PRIMA1: variants seen among roughly 807,000 people sequenced by gnomAD.
PRIMA1 encodes the protein proline rich membrane anchor 1.
In PRIMA1, 7 loss-of-function variants were observed where a neutral mutation model predicts 17.5. That is an observed-to-expected ratio of 0.40 (90% confidence interval 0.23 to 0.75). The LOEUF is 0.75. PRIMA1 is among the 30% of genes least tolerant of loss of function. PRIMA1 has a pLI of 0.37. For missense variants in PRIMA1, 200 were observed against 201.8 expected (o/e 0.99, Z 0.05); for synonymous variants, 97 against 77.9 (o/e 1.25, Z -1.29).
intron 3 of PRIMA1, among the ~76,000 whole-genome samples, chr14:93,747,987 A>C (rs1288318309): frequency 1.5e-5 from 2 of 135,824 alleles, no homozygotes; most frequent in African/African-American, 5.7e-5. Flanking sequence ...ATGAGTTGGG[A>C]CTGAGTGGGA....
At chr14:93,759,969 A>AGCACAGATGCCACAGCCAGG (rs2076316940) in intron 3 of PRIMA1, among the ~76,000 whole-genome samples, 1 of 152,256 alleles carries the variant, frequency 6.6e-6, no homozygotes, top group Non-Finnish European at 1.5e-5. Flanking sequence ...GCCGAAGGGC[A>AGCACAGATGCCACAGCCAGG]GCACAGATGC....
chr14:93,735,503 G>C (rs2076143929), intron 4 of PRIMA1, among the ~76,000 whole-genome samples: 1 of 152,122 alleles, frequency 6.6e-6, no homozygotes, highest in East Asian at 1.9e-4. Flanking sequence ...TGACTCCTCC[G>C]GGCAGCCACA....
At position 93,721,539 on chromosome 14, in the gene PRIMA1, G is replaced by T. The variant is rs149855008; in HGVS notation, c.367C>A (p.Leu123Met). The change falls in exon 5 of 5, where the codon CTG becomes ATG. Residue 123 changes from leucine (L) to methionine (M), a missense_variant. Transcript: ENST00000393140. ...CTGGTGCCATTTTCGTCTTTTCTCA[G>T]TGGTTTCCTGGAAGTGGGGGGAGGG... ...ICYKAIKRKP[L>M]RKDENGTSVA... is the part of the protein sequence containing the mutation. 2.4e-5 allele frequency: 38 copies of T among 1,612,148 alleles called. No individual in the cohort carries two copies. Among genetic ancestry groups the T allele is most frequent in the Non-Finnish European group, 2.9e-5 (34 of 1,178,658 alleles).
At position 93,742,394 on chromosome 14, in the gene PRIMA1, A is replaced by T. The variant is rs529106353; in HGVS notation, c.230-5024T>A. ...GGTCTCTCCCCAGGGGAACTCTGAG[A>T]AGAGTAGAAGCAGCCAGTGGTGAGC... On this transcript the variant is annotated intron_variant, in intron 3 of 4. Transcript: ENST00000393140. 3.3e-5 allele frequency among the ~76,000 whole-genome samples: 5 copies of T among 152,352 alleles called. No homozygotes were observed. In the East Asian group the frequency reaches 9.7e-4, roughly 29 times the overall value.
chr14:93,766,867 G>T (rs1205208760), intron 3 of PRIMA1, among the ~76,000 whole-genome samples: 2 of 152,156 alleles, frequency 1.3e-5, no homozygotes, highest in African/African-American at 4.8e-5. Flanking sequence ...AAGAAATGAA[G>T]AAGGAAAATA....
intron 2 of PRIMA1, among the ~76,000 whole-genome samples, chr14:93,783,418 T>C (rs1248556849): frequency 1.3e-5 from 2 of 152,216 alleles, no homozygotes; most frequent in Non-Finnish European, 2.9e-5. Flanking sequence ...CATTCCCCAG[T>C]GCTGGTTCCA....
At chr14:93,765,529 T>C (rs1884870077) in intron 3 of PRIMA1, among the ~76,000 whole-genome samples, 4 of 151,300 alleles carry the variant, frequency 2.6e-5, no homozygotes, top group Non-Finnish European at 5.9e-5. Context: ...GAACATATTA[T>C]TCCTTTTGAC....
chr14:93,734,461 C>T (rs902070938), intron 4 of PRIMA1, among the ~76,000 whole-genome samples: 1 of 152,180 alleles, frequency 6.6e-6, no homozygotes, highest in African/African-American at 2.4e-5. Flanking sequence ...GGCCCTTCTC[C>T]TAAGTGCGAG....
At chr14:93,738,694 T>G (rs1383009160) in intron 3 of PRIMA1, among the ~76,000 whole-genome samples, 3 of 152,182 alleles carry the variant, frequency 2.0e-5, no homozygotes, top group Admixed American at 6.5e-5. Flanking sequence ...TCTAGTGAAA[T>G]GCACCCCCCA....
intron 3 of PRIMA1, among the ~76,000 whole-genome samples, chr14:93,753,228 G>T (rs1401385995): frequency 1.3e-5 from 2 of 152,194 alleles, no homozygotes; most frequent in African/African-American, 4.8e-5. Context: ...GGGACATTCT[G>T]AGATTCCAAG....
At chr14:93,786,923 C>T (rs1473840940) in intron 2 of PRIMA1, among the ~76,000 whole-genome samples, 1 of 152,210 alleles carries the variant, frequency 6.6e-6, no homozygotes, top group Non-Finnish European at 1.5e-5. Flanking sequence ...TGCCTAAAGC[C>T]TCCCAGCTGG....
chr14:93,773,688 G>A (rs1020215090), intron 3 of PRIMA1, among the ~76,000 whole-genome samples: 5 of 152,194 alleles, frequency 3.3e-5, no homozygotes, highest in African/African-American at 1.2e-4. Flanking sequence ...CAGGCAGGGC[G>A]CAGGGTAGGG....
In PRIMA1 at chr14:93,754,466, C is replaced by T. The variant is rs75350245; in HGVS notation, c.230-17096G>A. ...GGGGCCTTGACCTCTGTCCTCTGGT[C>T]CCCGCCTTCTCCAGCCCTCTATCCA... On this transcript the variant is annotated intron_variant, in intron 3 of 4. Coordinates refer to ENST00000393140, the MANE Select transcript of PRIMA1 (RefSeq NM_178013.4). 5.8e-3 allele frequency among the ~76,000 whole-genome samples: 878 copies of T among 152,252 alleles called. 5 individuals are homozygous for T. Among genetic ancestry groups the T allele is most frequent in the Admixed American group, 9.8e-3 (150 of 15,294 alleles).
chr14:93,785,039 T>C (rs1328070375), intron 2 of PRIMA1, among the ~76,000 whole-genome samples: 1 of 152,070 alleles, frequency 6.6e-6, no homozygotes, highest in Non-Finnish European at 1.5e-5. Context: ...GATAAGAGGC[T>C]GTCTCTCTAA....
chr14:93,751,076 C>T (rs1291855321), intron 3 of PRIMA1, among the ~76,000 whole-genome samples: 1 of 152,238 alleles, frequency 6.6e-6, no homozygotes, highest in Non-Finnish European at 1.5e-5. Flanking sequence ...GGGGGAGCTG[C>T]TTCCCACCTG....
intron 3 of PRIMA1, among the ~76,000 whole-genome samples, chr14:93,743,699 G>A (rs2076198040): frequency 6.6e-6 from 1 of 152,250 alleles, no homozygotes; most frequent in African/African-American, 2.4e-5. Context: ...TAAAACCAGT[G>A]TGGGCCTGGT....
chr14:93,781,448 G>A (rs1305922663), intron 2 of PRIMA1, among the ~76,000 whole-genome samples: 2 of 152,238 alleles, frequency 1.3e-5, no homozygotes, highest in Non-Finnish European at 2.9e-5. Context: ...ACTCTACCAA[G>A]TGTGTGAACT....
In PRIMA1 at chr14:93,718,738, T is replaced by C. The variant is rs2076019149; in HGVS notation, c.*2706A>G. The C allele has an allele frequency of 6.6e-6, 1 of 152,544 alleles. No homozygotes were observed. The highest frequency in any genetic ancestry group is 1.5e-5 in the Non-Finnish European group (1 of 68,024). 9.4% of individuals were successfully genotyped at this position (152,544 alleles called of 1,614,324 possible). A position where few individuals can be genotyped will look rare whatever the true frequency, so the allele number is the denominator to read the frequency against. ...TTAGTCTTTCTTCCAAAACTTCCTT[T>C]AGAAGCTTCTTAGGAACACCTGAAA... On this transcript the variant is annotated 3_prime_UTR_variant, in exon 5 of 5. Transcript: ENST00000393140.
chr14:93,744,059 T>C (rs555067656), intron 3 of PRIMA1, among the ~76,000 whole-genome samples: 1 of 152,336 alleles, frequency 6.6e-6, no homozygotes, highest in East Asian at 1.9e-4. Flanking sequence ...GTCTGTTTTG[T>C]AGACCCTTTG....
Sources: allele counts gnomAD v4.1 joint callset (sites outside exome capture counted in the v4.1 genomes callset), GRCh38; gene constraint gnomAD v4.1.1; transcripts MANE v1.5; gene names NCBI Gene and HGNC (gene_info 2026-07-23, HGNC 2026-07-21).